Variants in NDUFAF2 observed in about 807,000 individuals in gnomAD.
The protein encoded by NDUFAF2 is NADH dehydrogenase [ubiquinone] 1 alpha subcomplex assembly factor 2.
In NDUFAF2, 13 loss-of-function variants were observed where a neutral mutation model predicts 22.8. That is an observed-to-expected ratio of 0.57 (90% CI 0.37 to 0.91). The LOEUF (loss-of-function observed/expected upper bound fraction) is 0.91. Ranked by LOEUF, NDUFAF2 falls within the 40% of genes least tolerant of loss-of-function variation. The pLI, the probability that NDUFAF2 is intolerant of heterozygous loss-of-function variation, is 0.01. For missense variants in NDUFAF2, 162 were observed against 195.2 expected (o/e 0.83, Z 1.01); for synonymous variants, 53 against 64.2 (o/e 0.83, Z 0.84).
At chr5:61,135,464 AATTG>A (rs1373166539) in intron 3 of NDUFAF2, among the ~76,000 whole-genome samples, 1 of 152,208 alleles carries the variant, frequency 6.6e-6, no homozygotes, top group East Asian at 1.9e-4. Context: ...TAACCAAAAC[AATTG>A]ATTGAAACAT....
chr5:61,113,400 T>C lies in NDUFAF2; in HGVS notation c.258+14368T>C, dbSNP rs192970917. 4.8e-4 allele frequency among the ~76,000 whole-genome samples: 73 copies of C among 152,312 alleles called. No individual in the cohort carries two copies. The East Asian group carries it at 0.014, about 29-fold the overall frequency. ...AAAGTCTTTATTTCTCCTTCATGTTTGAAAGCTATTTTCGCTGGGTATTCT... is the reference window on the plus strand; with the variant it reads ...AAAGTCTTTATTTCTCCTTCATGTTCGAAAGCTATTTTCGCTGGGTATTCT... On this transcript the variant is annotated intron_variant, in intron 3 of 3. Transcript: ENST00000296597.
chr5:61,089,792 T>A (rs1010465206), intron 2 of NDUFAF2, among the ~76,000 whole-genome samples: 2 of 152,104 alleles, frequency 1.3e-5, no homozygotes, highest in Admixed American at 1.3e-4. Flanking sequence ...CATTCTTATA[T>A]TAATGGATGA....
chr5:61,152,601 ATATT>A (rs1190276827), intron 3 of NDUFAF2, 99 bp from the exon 4 acceptor site: 1 of 775,728 alleles, frequency 1.3e-6, no homozygotes, highest in African/African-American at 1.8e-5. Flanking sequence ...ATGTATGTAT[ATATT>A]TATATGTATA....
intron 1 of NDUFAF2, among the ~76,000 whole-genome samples, chr5:61,058,549 T>A (rs944067207): frequency 6.6e-6 from 1 of 152,052 alleles, no homozygotes; most frequent in Non-Finnish European, 1.5e-5. Flanking sequence ...AATTCTTGTA[T>A]AATGTCTTAA....
intron 1 of NDUFAF2, among the ~76,000 whole-genome samples, chr5:61,036,622 A>G (rs968597134): frequency 6.6e-5 from 10 of 152,182 alleles, no homozygotes; most frequent in African/African-American, 2.4e-4. Flanking sequence ...TAGGAGGGAA[A>G]CTACAAGGTA....
intron 1 of NDUFAF2, among the ~76,000 whole-genome samples, chr5:61,020,907 G>A (rs1203855660): frequency 6.6e-6 from 1 of 151,602 alleles, no homozygotes; most frequent in Non-Finnish European, 1.5e-5. Flanking sequence ...TGTTGGTCAG[G>A]CTGGTCTCGA....
chr5:61,050,165 A>G (rs1752007114), intron 1 of NDUFAF2, among the ~76,000 whole-genome samples: 1 of 152,034 alleles, frequency 6.6e-6, no homozygotes, highest in African/African-American at 2.4e-5. Context: ...TGTTTGCCTT[A>G]CTACATTATT....
At chr5:60,983,008 T>G (rs1433352126) in intron 1 of NDUFAF2, among the ~76,000 whole-genome samples, 1 of 150,380 alleles carries the variant, frequency 6.6e-6, no homozygotes, top group Admixed American at 6.6e-5. Flanking sequence ...TAGTTTACGG[T>G]CCCACCAACA....
chr5:61,016,931 C>T (rs1232170184), intron 1 of NDUFAF2, among the ~76,000 whole-genome samples: 1 of 152,156 alleles, frequency 6.6e-6, no homozygotes, highest in Non-Finnish European at 1.5e-5. Flanking sequence ...TCAGGCCTAT[C>T]CCGAAGAAAG....
chr5:61,026,604 G>C (rs1354429517), intron 1 of NDUFAF2, among the ~76,000 whole-genome samples: 1 of 151,946 alleles, frequency 6.6e-6, no homozygotes, highest in Non-Finnish European at 1.5e-5. Flanking sequence ...ATACGAGCTT[G>C]TTTTCTATGT....
chr5:61,133,666 G>T (rs887765992), intron 3 of NDUFAF2, among the ~76,000 whole-genome samples: 1 of 152,094 alleles, frequency 6.6e-6, no homozygotes, highest in Admixed American at 6.5e-5. Flanking sequence ...TAATACAACT[G>T]CACTATACAA....
chr5:61,036,527 T>A (rs1401326662), intron 1 of NDUFAF2, among the ~76,000 whole-genome samples: 1 of 152,216 alleles, frequency 6.6e-6, no homozygotes, highest in Admixed American at 6.5e-5. Context: ...CAGTTAAAAT[T>A]TAGGCAAGAA....
intron 1 of NDUFAF2, among the ~76,000 whole-genome samples, chr5:61,020,665 C>G (rs1177032995): frequency 6.6e-6 from 1 of 151,978 alleles, no homozygotes; most frequent in Non-Finnish European, 1.5e-5. Context: ...AATCCTCCTA[C>G]TTCAGCCTCC....
chr5:60,949,222 C>T (rs906930939), intron 1 of NDUFAF2, among the ~76,000 whole-genome samples: 2 of 152,132 alleles, frequency 1.3e-5, no homozygotes, highest in Non-Finnish European at 2.9e-5. Flanking sequence ...TCTCCTCATC[C>T]CTAACCTCAG....
At chr5:61,037,475 T>C (rs1249504361) in intron 1 of NDUFAF2, among the ~76,000 whole-genome samples, 1 of 152,176 alleles carries the variant, frequency 6.6e-6, no homozygotes. Flanking sequence ...ATCTCAGGGT[T>C]CGTGCTTTTT....
Position 61,143,575 on chromosome 5 carries a change from G to A in NDUFAF2, c.259-9129G>A, listed in dbSNP as rs796446715. Among the ~76,000 whole-genome samples the A allele has an allele frequency of 1.1e-3, 172 of 151,982 alleles. 1 individual carries two copies. Among genetic ancestry groups the A allele is most frequent in the African/African-American group, 3.9e-3 (162 of 41,466 alleles). ...ATTTAGCTTTTGTCACAAATGTACC[G>A]CTAATGTATAATTTTAAATTATAAC... On this transcript the variant is annotated intron_variant, in intron 3 of 3. Coordinates refer to ENST00000296597, the MANE Select transcript of NDUFAF2 (RefSeq NM_174889.5).
intron 1 of NDUFAF2, among the ~76,000 whole-genome samples, chr5:60,965,450 G>A (rs940720002): frequency 6.6e-6 from 1 of 152,000 alleles, no homozygotes; most frequent in Non-Finnish European, 1.5e-5. Flanking sequence ...TCACCATGCT[G>A]TACAATAGAT....
At chr5:61,019,060 T>A (rs1305525110) in intron 1 of NDUFAF2, among the ~76,000 whole-genome samples, 1 of 152,142 alleles carries the variant, frequency 6.6e-6, no homozygotes, top group Non-Finnish European at 1.5e-5. Flanking sequence ...CTGTATTTCC[T>A]CATCTGTAAA....
In NDUFAF2 at chr5:61,092,890, G is replaced by A. The variant is rs756159429; in HGVS notation, c.218-6102G>A. ...GTTTATTAGGAGAATTGACTCACACGATCACAAGGTGAAGTCCCACAATAG... is the reference window on the plus strand; with the variant it reads ...GTTTATTAGGAGAATTGACTCACACAATCACAAGGTGAAGTCCCACAATAG... On this transcript the variant is annotated intron_variant, in intron 2 of 3. Transcript: ENST00000296597. Among the ~76,000 whole-genome samples, 13 of 152,224 alleles carry A rather than the reference G, an allele frequency of 8.5e-5. No homozygotes were observed. In the Middle Eastern group the frequency reaches 0.014, roughly 159 times the overall value.
Sources: allele counts gnomAD v4.1 joint callset (sites outside exome capture counted in the v4.1 genomes callset), GRCh38; gene constraint gnomAD v4.1.1; transcripts MANE v1.5; gene names NCBI Gene and HGNC (gene_info 2026-07-23, HGNC 2026-07-21).